Variants in FAM13A observed in about 807,000 individuals in gnomAD.
FAM13A encodes family with sequence similarity 13 member A, also known as protein FAM13A.
A neutral mutation model predicts 129.6 loss-of-function variants in FAM13A; 76 were observed. That is an observed-to-expected ratio of 0.59 (90% CI 0.49 to 0.71). The LOEUF is 0.71. FAM13A is among the 30% of genes least tolerant of loss of function. The pLI, the probability that FAM13A is intolerant of heterozygous loss-of-function variation, is 0.00. For missense variants in FAM13A, 1,108 were observed against 1,249.3 expected (o/e 0.89, Z 1.70); for synonymous variants, 443 against 449.9 (o/e 0.98, Z 0.20).
intron 4 of FAM13A, among the ~76,000 whole-genome samples, chr4:88,942,423 C>G (rs1293261865): frequency 6.6e-6 from 1 of 151,632 alleles, no homozygotes; most frequent in Non-Finnish European, 1.5e-5. Context: ...AAACATTAGC[C>G]GGGTGTGGTG....
At chr4:88,748,884 G>T (rs1469966618) in intron 17 of FAM13A, 68 bp downstream of exon 17, 1 of 1,077,866 alleles carries the variant, frequency 9.3e-7, no homozygotes, top group Non-Finnish European at 1.4e-6. Context: ...GCACTCAGTG[G>T]GAGAGGAGGT....
Position 88,938,273 on chromosome 4 carries a change from C to T in FAM13A, c.606-32G>A, listed in dbSNP as rs755430370. On this transcript the variant is annotated intron_variant, in intron 4 of 23. Transcript: ENST00000264344. ...ACAAGAAAGGGAAAGAGAGGAATTA[C>T]TTAGTAAACACAACAGTGCCTGCTA... 4.5e-6 allele frequency: 7 copies of T among 1,569,504 alleles called. No individual in the cohort carries two copies. In the South Asian group the frequency reaches 4.7e-5, roughly 11 times the overall value.
chr4:88,752,671 G>A (rs1484561505), intron 14 of FAM13A, among the ~76,000 whole-genome samples: 1 of 152,128 alleles, frequency 6.6e-6, no homozygotes, highest in Non-Finnish European at 1.5e-5. Flanking sequence ...TAAGTGGTAG[G>A]ACTTGGGCAC....
intron 1 of FAM13A, among the ~76,000 whole-genome samples, chr4:89,049,511 A>G (rs1159601814): frequency 1.3e-5 from 2 of 152,250 alleles, no homozygotes; most frequent in Non-Finnish European, 2.9e-5. Flanking sequence ...TTGGAATTTA[A>G]CCACAAAAGT....
At chr4:88,983,761 C>G (rs941335020) in intron 4 of FAM13A, among the ~76,000 whole-genome samples, 1 of 152,098 alleles carries the variant, frequency 6.6e-6, no homozygotes, top group African/African-American at 2.4e-5. Flanking sequence ...AACATCCTAT[C>G]AAAATATTGA....
chr4:88,953,151 C>T (rs937581221), intron 4 of FAM13A, among the ~76,000 whole-genome samples: 3 of 151,914 alleles, frequency 2.0e-5, no homozygotes, highest in Non-Finnish European at 4.4e-5. Context: ...ATTTTCATTA[C>T]CCCAAGAAGA....
intron 3 of FAM13A, among the ~76,000 whole-genome samples, chr4:89,015,909 TATAC>T (rs1766416354): frequency 1.3e-5 from 2 of 152,268 alleles, no homozygotes; most frequent in African/African-American, 4.8e-5. Flanking sequence ...CACATATACA[TATAC>T]ATACATATAT....
In FAM13A at chr4:89,055,365, G is replaced by C. The variant is rs569422100; in HGVS notation, c.27+1573C>G. 3.9e-5 allele frequency among the ~76,000 whole-genome samples: 6 copies of C among 152,268 alleles called. No individual in the cohort carries two copies. In the East Asian group the frequency reaches 1.2e-3, roughly 29 times the overall value. ...CTTAAGGAGAAGGGTAGAAATGATT[G>C]AGAATTACTCATCTACCAGAGTGAA... On this transcript the variant is annotated intron_variant, in intron 1 of 23. Transcript: ENST00000264344.
Position 88,804,978 on chromosome 4 carries a change from C to T in FAM13A, c.1049+33G>A, listed in dbSNP as rs772513258. ...AAGAAGCCTTAACCCTCCTTTATTC[C>T]CTGTAGTAGACCAACAAAAATCAAA... is the stretch of plus-strand genomic sequence containing the variant. On this transcript the variant is annotated intron_variant, in intron 8 of 23. Coordinates refer to ENST00000264344, the MANE Select transcript of FAM13A (RefSeq NM_014883.4). 7.5e-6 allele frequency: 10 copies of T among 1,331,748 alleles called. No homozygotes were observed. The Admixed American group carries it at 1.2e-4, about 16-fold the overall frequency. The allele number at this position is 1,331,748 out of a possible 1,614,324, so 82.5% of individuals were successfully genotyped here.
chr4:88,852,953 AAC>A (rs1737865154), intron 6 of FAM13A, among the ~76,000 whole-genome samples: 1 of 152,206 alleles, frequency 6.6e-6, no homozygotes, highest in Admixed American at 6.5e-5. Context: ...AAAACCAAAC[AAC>A]ACACGCAAAC....
chr4:88,879,754 C>A (rs1743212932), intron 6 of FAM13A, among the ~76,000 whole-genome samples: 1 of 152,166 alleles, frequency 6.6e-6, no homozygotes, highest in Non-Finnish European at 1.5e-5. Flanking sequence ...TAACTGGTTA[C>A]ATTTGCGAGG....
intron 4 of FAM13A, among the ~76,000 whole-genome samples, chr4:88,977,982 C>T (rs1761132266): frequency 6.6e-6 from 1 of 152,056 alleles, no homozygotes. Context: ...CTCACCTGAA[C>T]CCAAGGAATA....
chr4:89,043,086 G>A (rs923640146), intron 1 of FAM13A, among the ~76,000 whole-genome samples: 1 of 152,166 alleles, frequency 6.6e-6, no homozygotes, highest in Non-Finnish European at 1.5e-5. Flanking sequence ...TATCAGCACT[G>A]GGGCAGGAGT....
intron 7 of FAM13A, among the ~76,000 whole-genome samples, chr4:88,835,921 C>T (rs1734732582): frequency 6.6e-6 from 1 of 152,012 alleles, no homozygotes; most frequent in Admixed American, 6.6e-5. Flanking sequence ...GGTTGGGGAC[C>T]CCTGCTCTAT....
rs1271473516 is a variant in FAM13A, at chr4:88,748,941, A to G, written c.2161+11T>C. ...GTTGTACAGAAGCCACAGCTCCAGA[A>G]TTTTACCCACCTTTAAGTTGTCTCC... On this transcript the variant is annotated intron_variant, in intron 17 of 23. Coordinates refer to ENST00000264344, the MANE Select transcript of FAM13A (RefSeq NM_014883.4). The G allele has an allele frequency of 3.1e-6, 5 of 1,605,098 alleles. No individual in the cohort carries two copies. The highest frequency in any genetic ancestry group is 4.3e-6 in the Non-Finnish European group (5 of 1,171,890).
chr4:88,811,092 ATTTC>A (rs1729583784), intron 7 of FAM13A, among the ~76,000 whole-genome samples: 1 of 152,146 alleles, frequency 6.6e-6, no homozygotes, highest in Non-Finnish European at 1.5e-5. Flanking sequence ...GGAAAAAACT[ATTTC>A]TTTCTCTGTC....
Position 88,746,361 on chromosome 4 carries a change from G to A in FAM13A, c.2466+571C>T, listed in dbSNP as rs557456480. On this transcript the variant is annotated intron_variant, in intron 19 of 23. Transcript: ENST00000264344. ...AACATTTAAGCAATGCTTGCTGAAC[G>A]GCAAGCCACCTCAAATGCTTCCCGT... is the stretch of plus-strand genomic sequence containing the variant. Among the ~76,000 whole-genome samples, 251 of 152,286 alleles carry A rather than the reference G, an allele frequency of 1.6e-3. 1 individual carries two copies. The highest frequency in any genetic ancestry group is 4.8e-3 in the African/African-American group (200 of 41,564).
At chr4:88,938,357 G>T in intron 4 of FAM13A, 116 bp from the exon 5 acceptor site, 1 of 719,908 alleles carries the variant, frequency 1.4e-6, no homozygotes, top group Non-Finnish European at 2.2e-6. Flanking sequence ...GGGATGCATG[G>T]GATTTTCAAC....
chr4:88,726,393 T>G lies in FAM13A; in HGVS notation c.*2140A>C, dbSNP rs779541998. 1 of 152,672 alleles carries G rather than the reference T, an allele frequency of 6.5e-6. No homozygotes were observed. The highest frequency in any genetic ancestry group is 2.1e-4 in the South Asian group (1 of 4,830). The allele number at this position is 152,672 out of a possible 1,614,324, so 9.5% of individuals were successfully genotyped here. ...TAACTTACTTGGTGTTTTCTTTTAT[T>G]GAATCATACAAATTCAAATGGGGAT... is the stretch of plus-strand genomic sequence containing the variant. On this transcript the variant is annotated 3_prime_UTR_variant, in exon 24 of 24. Coordinates refer to ENST00000264344, the MANE Select transcript of FAM13A (RefSeq NM_014883.4).
Sources: allele counts gnomAD v4.1 joint callset (sites outside exome capture counted in the v4.1 genomes callset), GRCh38; gene constraint gnomAD v4.1.1; transcripts MANE v1.5; gene names NCBI Gene and HGNC (gene_info 2026-07-23, HGNC 2026-07-21).